The following UBE2Z variants were observed in gnomAD, a reference collection of about 807,000 sequenced individuals.
UBE2Z encodes ubiquitin-conjugating enzyme E2 Z.
UBE2Z carries 10 observed loss-of-function variants against 32.6 expected under a neutral mutation model. The observed-to-expected ratio is 0.31, with a 90% CI of 0.19 to 0.52. The LOEUF (loss-of-function observed/expected upper bound fraction) is 0.52. UBE2Z is among the 20% of genes least tolerant of loss of function. UBE2Z has a pLI of 0.97. For synonymous variants in UBE2Z, 183 were observed against 190.8 expected, an observed-to-expected ratio of 0.96 and a Z score of 0.34; for missense variants, 343 against 480.9, an observed-to-expected ratio of 0.71 and a Z score of 2.68.
In UBE2Z at chr17:48,912,905, T is replaced by C. The variant is rs1253329594; in HGVS notation, c.462T>C (p.Cys154=). The change falls in exon 3 of 7, where the codon TGT becomes TGC. Residue 154 remains cysteine (C), a synonymous_variant. Coordinates refer to ENST00000360943, the MANE Select transcript of UBE2Z (RefSeq NM_023079.5). ...GTTTCTTCCTGTTCGTGTTTCGGTG[T>C]CCGCCCGACTATCCCATCCACCCAC... ...EGGFFLFVFR[C]PPDYPIHPPR... 1 of 1,613,670 alleles carries C rather than the reference T, an allele frequency of 6.2e-7. No individual in the cohort carries two copies. The highest frequency in any genetic ancestry group is 8.5e-7 in the Non-Finnish European group (1 of 1,179,862).
chr17:48,910,214 G>A (rs1365664115), intron 1 of UBE2Z: 1 of 152,752 alleles, frequency 6.5e-6, no homozygotes, highest in African/African-American at 2.4e-5. Context: ...CTTCCAGATG[G>A]GAGATTCTTA....
chr17:48,916,758 AGGTG>A (rs1476012950), intron 4 of UBE2Z, among the ~76,000 whole-genome samples: 4 of 150,748 alleles, frequency 2.7e-5, no homozygotes, highest in Middle Eastern at 3.4e-3. Context: ...TGAGGCAGGC[AGGTG>A]GATCACCTGA....
intron 4 of UBE2Z, among the ~76,000 whole-genome samples, chr17:48,920,121 G>A (rs1408951445): frequency 6.6e-6 from 1 of 152,034 alleles, no homozygotes; most frequent in African/African-American, 2.4e-5. Context: ...CCAGGAATTC[G>A]AGGCAGCAGT....
rs988374492 is a variant in UBE2Z, at chr17:48,908,655, C to T, written c.152C>T (p.Ala51Val). The T allele has an allele frequency of 3.3e-6, 4 of 1,222,572 alleles. No homozygotes were observed. The highest frequency in any genetic ancestry group is 3.2e-5 in the African/African-American group (2 of 63,282). 75.7% of individuals were successfully genotyped at this position (1,222,572 alleles called of 1,614,324 possible). Residue 51 changes from alanine to valine, a missense_variant, in exon 1 of 7, where the codon GCA (alanine) becomes GTA (valine). Coordinates refer to ENST00000360943, the MANE Select transcript of UBE2Z (RefSeq NM_023079.5). ...CCGGATGTGTGGGCGGCGGCGGCGG[C>T]AGCGGGCGGGGCCGGGGGCCCGGGG... ...FLPDVWAAAA[A>V]AGGAGGPGSG...
intron 5 of UBE2Z, among the ~76,000 whole-genome samples, chr17:48,921,909 T>A (rs1228735036): frequency 6.6e-6 from 1 of 152,144 alleles, no homozygotes; most frequent in Non-Finnish European, 1.5e-5. Flanking sequence ...GCTCCTGCAG[T>A]CACAGCCAGT....
At position 48,923,155 on chromosome 17, in the gene UBE2Z, A is replaced by G. The variant is rs538494899; in HGVS notation, c.894+218A>G. 7.5e-3 allele frequency: 2,751 copies of G among 365,098 alleles called. 65 individuals are homozygous for G. The highest frequency in any genetic ancestry group is 0.055 in the South Asian group (1,542 of 27,972). The allele number at this position is 365,098 out of a possible 1,614,324, so 22.6% of individuals were successfully genotyped here. Reference sequence around the variant, plus strand: ...GCTAACACGGTGAAACCCCGTCTCTACTAAAAATACAAAAAATTAGCCGGG... The same window carrying G: ...GCTAACACGGTGAAACCCCGTCTCTGCTAAAAATACAAAAAATTAGCCGGG... On this transcript the variant is annotated intron_variant, in intron 6 of 6. Transcript: ENST00000360943.
At chr17:48,926,064 A>G (rs991672281) in intron 6 of UBE2Z, among the ~76,000 whole-genome samples, 22 of 152,150 alleles carry the variant, frequency 1.4e-4, no homozygotes, top group African/African-American at 5.3e-4. Context: ...TTTCTGTACA[A>G]CGTTTAGGGA....
intron 6 of UBE2Z, among the ~76,000 whole-genome samples, chr17:48,923,320 CAA>C (rs56100763): frequency 0.78 from 79,154 of 101,814 alleles, 29,652 homozygotes; most frequent in East Asian, 0.89. Flanking sequence ...GACTCTGTCT[CAA>C]AAAAAAAAAA....
intron 3 of UBE2Z, among the ~76,000 whole-genome samples, chr17:48,914,097 G>A (rs1159113459): frequency 6.6e-6 from 1 of 152,172 alleles, no homozygotes; most frequent in African/African-American, 2.4e-5. Context: ...GATATGAAAT[G>A]AGTTTCTAGT....
intron 6 of UBE2Z, 91 bp from the exon 7 acceptor site, chr17:48,926,873 A>T: frequency 2.2e-6 from 3 of 1,387,962 alleles, no homozygotes; most frequent in Non-Finnish European, 2.9e-6. Flanking sequence ...TCAGAAGTTG[A>T]GCTTTCATTT....
intron 6 of UBE2Z, among the ~76,000 whole-genome samples, chr17:48,925,445 A>G (rs1271111249): frequency 1.3e-5 from 2 of 152,152 alleles, no homozygotes; most frequent in Non-Finnish European, 2.9e-5. Flanking sequence ...TATAAATGGT[A>G]GTTTTCCCTT....
In UBE2Z at chr17:48,927,011, G is replaced by A; in HGVS notation, c.942G>A (p.Leu314=). The part of the protein sequence containing the change: ...KRGHFDYQSL[L]MRLGLIRQKV... ...GCCACTTTGACTACCAGTCCCTCTT[G>A]ATGCGCCTGGGACTGATACGTCAGA... Residue 314 remains leucine, a synonymous_variant, in exon 7 of 7, where the codon TTG becomes TTA. Coordinates refer to ENST00000360943, the MANE Select transcript of UBE2Z (RefSeq NM_023079.5). 6.2e-7 allele frequency: 1 copy of A among 1,613,590 alleles called. No homozygotes were observed. Among genetic ancestry groups the A allele is most frequent in the Non-Finnish European group, 8.5e-7 (1 of 1,179,764 alleles).
intron 6 of UBE2Z, among the ~76,000 whole-genome samples, chr17:48,925,878 G>T (rs1321993825): frequency 6.6e-6 from 1 of 152,244 alleles, no homozygotes; most frequent in Non-Finnish European, 1.5e-5. Flanking sequence ...TAATGTGTGG[G>T]CAGAAGTATG....
rs2040717746 is a variant in UBE2Z at position 48,916,176 on chromosome 17, G to A, written c.679G>A (p.Gly227Ser). ...TGAGAACCCCTATCACAATGAGCCC[G>A]GCTTTGAACAGGTAAGGCCAGATGG... ...MTENPYHNEP[G>S]FEQERHPGDS... Residue 227 changes from glycine to serine, a missense_variant, in exon 4 of 7, where the codon GGC becomes AGC. Coordinates refer to ENST00000360943, the MANE Select transcript of UBE2Z (RefSeq NM_023079.5). The A allele has an allele frequency of 1.9e-6, 3 of 1,570,386 alleles. No homozygotes were observed. The highest frequency in any genetic ancestry group is 1.4e-5 in the African/African-American group (1 of 71,830).
chr17:48,908,530 G>A lies in UBE2Z; in HGVS notation c.27G>A (p.Ala9=). MAESPTEE[A]ATAGAGAAGP... ...TGGCGGAGAGTCCGACTGAGGAGGCGGCAACGGCGGGCGCCGGGGCGGCGG... is the reference window on the plus strand; with the variant it reads ...TGGCGGAGAGTCCGACTGAGGAGGCAGCAACGGCGGGCGCCGGGGCGGCGG... The change falls in exon 1 of 7, where the codon GCG becomes GCA. Residue 9 remains alanine (A), a synonymous_variant. Transcript: ENST00000360943. 5 of 1,235,734 alleles carry A rather than the reference G, an allele frequency of 4.0e-6. No homozygotes were observed. Among genetic ancestry groups the A allele is most frequent in the Non-Finnish European group, 5.1e-6 (5 of 988,682 alleles). 76.5% of individuals were successfully genotyped at this position (1,235,734 alleles called of 1,614,324 possible).
intron 4 of UBE2Z, among the ~76,000 whole-genome samples, chr17:48,919,241 C>T (rs1454182853): frequency 6.6e-6 from 1 of 152,130 alleles, no homozygotes; most frequent in Non-Finnish European, 1.5e-5. Flanking sequence ...GCCTCGGCCT[C>T]CCAAAGTGCT....
intron 1 of UBE2Z, chr17:48,910,303 G>A (rs999474): frequency 0.41 from 63,305 of 155,128 alleles, 13,216 homozygotes; most frequent in Admixed American, 0.5. Flanking sequence ...CACCATGATA[G>A]TCTTACTCTC....
intron 6 of UBE2Z, among the ~76,000 whole-genome samples, chr17:48,926,038 T>C (rs2040795808): frequency 6.6e-6 from 1 of 152,188 alleles, no homozygotes; most frequent in Non-Finnish European, 1.5e-5. Context: ...TTTGAGACTT[T>C]GGGGACAATT....
chr17:48,927,172 C>G lies in UBE2Z; in HGVS notation c.*38C>G. On this transcript the variant is annotated 3_prime_UTR_variant, in exon 7 of 7. Coordinates refer to ENST00000360943, the MANE Select transcript of UBE2Z (RefSeq NM_023079.5). ...TCTCCCCTTCCCCCACTCAAGAGTCCCAGCAGAATCCCTTCCCCCCACCCC... is the reference window on the plus strand; with the variant it reads ...TCTCCCCTTCCCCCACTCAAGAGTCGCAGCAGAATCCCTTCCCCCCACCCC... 6.2e-7 allele frequency: 1 copy of G among 1,603,190 alleles called. No homozygotes were observed. Among genetic ancestry groups the G allele is most frequent in the Non-Finnish European group, 8.5e-7 (1 of 1,172,980 alleles).
Sources: allele counts gnomAD v4.1 joint callset (sites outside exome capture counted in the v4.1 genomes callset), GRCh38; gene constraint gnomAD v4.1.1; transcripts MANE v1.5; gene names NCBI Gene and HGNC (gene_info 2026-07-23, HGNC 2026-07-21).